The following KHDRBS1 variants were observed in gnomAD, a reference collection of about 807,000 sequenced individuals.
KHDRBS1 encodes KH domain-containing, RNA-binding, signal transduction-associated protein 1.
Under a neutral mutation model 48.4 loss-of-function variants are expected in KHDRBS1, and 7 were observed. The observed-to-expected ratio is 0.14, with a 90% confidence interval of 0.08 to 0.27. The LOEUF (loss-of-function observed/expected upper bound fraction) is 0.27, where lower values mean the gene tolerates loss of function less well. KHDRBS1 is among the 10% of genes least tolerant of loss of function. KHDRBS1 has a pLI of 1.00. For missense variants in KHDRBS1, 458 were observed against 601.2 expected, an observed-to-expected ratio of 0.76 and a Z score of 2.49; for synonymous variants, 241 against 235.8, an observed-to-expected ratio of 1.02 and a Z score of -0.20.
intron 1 of KHDRBS1, 45 bp downstream of exon 1, chr1:32,014,422 G>C: frequency 1.6e-6 from 2 of 1,288,520 alleles, no homozygotes; most frequent in East Asian, 3.1e-5. Context: ...GGCCATCCCG[G>C]GCATGAGTGG....
At chr1:32,025,908 C>G (rs146632614) in intron 1 of KHDRBS1, among the ~76,000 whole-genome samples, 6 of 147,500 alleles carry the variant, frequency 4.1e-5, no homozygotes, top group African/African-American at 1.3e-4. Flanking sequence ...CTACACCCAG[C>G]TAATTTAAAT....
chr1:32,030,172 C>G (rs960666850), intron 1 of KHDRBS1, 126 bp from the exon 2 acceptor site: 1 of 681,590 alleles, frequency 1.5e-6, no homozygotes, highest in African/African-American at 1.9e-5. Flanking sequence ...TAGTTTCTTT[C>G]TGAAATTGGC....
chr1:32,044,992 A>G (rs1639340886), downstream of KHDRBS1, among the ~76,000 whole-genome samples: 1 of 152,258 alleles, frequency 6.6e-6, no homozygotes, highest in African/African-American at 2.4e-5. Context: ...TAAATTAGCC[A>G]TAACTCTTAA....
intron 1 of KHDRBS1, among the ~76,000 whole-genome samples, chr1:32,029,362 A>T (rs745833992): frequency 6.6e-6 from 1 of 152,200 alleles, no homozygotes; most frequent in Admixed American, 6.5e-5. Flanking sequence ...ATGTTTTTTT[A>T]AAAAGTACCT....
chr1:32,040,122 T>TGCCTATTAG (rs1639254777), intron 8 of KHDRBS1, among the ~76,000 whole-genome samples: 4 of 152,056 alleles, frequency 2.6e-5, no homozygotes, highest in Admixed American at 2.6e-4. Context: ...GCAAGAATAG[T>TGCCTATTAG]GCCTATTAGG....
At chr1:32,039,320 CAATAGTTGTCAATTATTTTATAAGTACAT>C (rs1158167042) in intron 7 of KHDRBS1, among the ~76,000 whole-genome samples, 166 bp from the exon 8 acceptor site, 1 of 152,076 alleles carries the variant, frequency 6.6e-6, no homozygotes, top group Non-Finnish European at 1.5e-5. Context: ...TTTTTCTTTG[CAATAGTTGTCAATTATTTTATAAGTACAT>C]AGTCTATACA....
chr1:32,014,060 A>G lies in KHDRBS1; in HGVS notation c.65A>G (p.Asp22Gly), dbSNP rs1473036824. ...SRSSGRSGSM[D>G]PSGAHPSVRQ... The stretch of plus-strand genomic sequence containing the variant: ...TCTTCGGGCCGTAGCGGCTCCATGG[A>G]CCCCTCCGGTGCCCACCCCTCGGTG... The change falls in exon 1 of 9, where the codon GAC becomes GGC. Residue 22 changes from aspartate to glycine, a missense_variant. Physicochemically the swap from Asp to Gly is moderately conservative, Grantham distance 94 (BLOSUM62 -1). This residue lies in a region of KHDRBS1 where 213 missense variants were observed against 215.6 expected (regional missense o/e 0.99). Coordinates refer to ENST00000327300, the MANE Select transcript of KHDRBS1 (RefSeq NM_006559.3). 1.3e-6 allele frequency: 2 copies of G among 1,501,050 alleles called. No individual in the cohort carries two copies. The highest frequency in any genetic ancestry group is 1.2e-5 in the South Asian group (1 of 80,336). 93.0% of individuals were successfully genotyped at this position (1,501,050 alleles called of 1,614,324 possible).
At chr1:32,059,002 C>T (rs944952067) in intron 10 of KHDRBS1, among the ~76,000 whole-genome samples, 4 of 151,292 alleles carry the variant, frequency 2.6e-5, no homozygotes, top group African/African-American at 7.3e-5. Flanking sequence ...ACTAAAAATA[C>T]AAAAATTAGC....
In KHDRBS1 at chr1:32,037,020, A is replaced by T; in HGVS notation, c.882A>T (p.Ala294=). The T allele has an allele frequency of 6.2e-7, 1 of 1,613,920 alleles. No individual in the cohort carries two copies. The highest frequency in any genetic ancestry group is 8.5e-7 in the Non-Finnish European group (1 of 1,179,938). ...RGVPVRGRGA[A]PPPPPVPRGR... ...TGCCAGTGAGAGGCCGGGGAGCTGC[A>T]CCTCCTCCACCACCTGTTCCCAGGT... The change falls in exon 5 of 9, where the codon GCA becomes GCT. Residue 294 remains alanine, a synonymous_variant. Transcript: ENST00000327300.
chr1:32,031,749 G>C, intron 3 of KHDRBS1, 109 bp downstream of exon 3: 1 of 632,114 alleles, frequency 1.6e-6, no homozygotes, highest in Non-Finnish European at 2.7e-6. Flanking sequence ...TGTACAGAAT[G>C]TGGCTCCTTT....
rs757720674 is a variant in KHDRBS1 at position 32,037,899 on chromosome 1, A to G, written c.970A>G (p.Thr324Ala). 10 of 1,614,116 alleles carry G rather than the reference A, an allele frequency of 6.2e-6. No individual in the cohort carries two copies. The highest frequency in any genetic ancestry group is 7.6e-6 in the Non-Finnish European group (9 of 1,180,044). The change falls in exon 6 of 9, where the codon ACC becomes GCC. Residue 324 changes from threonine to alanine, a missense_variant. Thr to Ala is a moderately conservative substitution (Grantham distance 58, BLOSUM62 0). Coordinates refer to ENST00000327300, the MANE Select transcript of KHDRBS1 (RefSeq NM_006559.3). ...TGGTACACCAGTAAGGGGAGCCATC[A>G]CCAGAGGTGCCACTGTGACTCGAGG... ...VRGTPVRGAI[T>A]RGATVTRGVP...
At chr1:32,057,319 A>G (rs1316114429) in intron 10 of KHDRBS1, among the ~76,000 whole-genome samples, 1 of 152,138 alleles carries the variant, frequency 6.6e-6, no homozygotes, top group Non-Finnish European at 1.5e-5. Flanking sequence ...AACTGGGACT[A>G]TAGGCAGGTG....
chr1:32,052,122 C>A (rs1639429042), intron 10 of KHDRBS1, among the ~76,000 whole-genome samples: 1 of 152,098 alleles, frequency 6.6e-6, no homozygotes, highest in Non-Finnish European at 1.5e-5. Flanking sequence ...TACTGTGTGT[C>A]CCTATTTTTA....
intron 1 of KHDRBS1, among the ~76,000 whole-genome samples, chr1:32,015,365 C>T (rs1306721122): frequency 1.3e-5 from 2 of 152,156 alleles, no homozygotes; most frequent in South Asian, 2.1e-4. Flanking sequence ...TTTATGATAC[C>T]TAAATTTTAC....
At chr1:32,044,576 C>G (rs1639336807), downstream of KHDRBS1, among the ~76,000 whole-genome samples, 1 of 152,206 alleles carries the variant, frequency 6.6e-6, no homozygotes, top group Non-Finnish European at 1.5e-5. Context: ...AAGTGCCAAG[C>G]TGCCTGCAGC....
intron 6 of KHDRBS1, 76 bp from the exon 7 acceptor site, chr1:32,038,476 C>T: frequency 7.1e-7 from 1 of 1,409,144 alleles, no homozygotes. Context: ...CTACTTACTC[C>T]CATGGGATGT....
At chr1:32,028,918 C>A (rs1639028541) in intron 1 of KHDRBS1, among the ~76,000 whole-genome samples, 2 of 151,924 alleles carry the variant, frequency 1.3e-5, no homozygotes, top group Non-Finnish European at 2.9e-5. Flanking sequence ...TACTTTACTT[C>A]ATTGCCACCT....
chr1:32,016,187 A>G (rs1320901395), intron 1 of KHDRBS1, among the ~76,000 whole-genome samples: 2 of 127,654 alleles, frequency 1.6e-5, no homozygotes, highest in Non-Finnish European at 1.6e-5. Context: ...TCAAAAAAGG[A>G]AAAAAAAAAA....
chr1:32,018,874 C>T (rs1638798326), intron 1 of KHDRBS1, among the ~76,000 whole-genome samples: 1 of 152,200 alleles, frequency 6.6e-6, no homozygotes, highest in Admixed American at 6.5e-5. Context: ...AGTTCGAGAC[C>T]AGTCTGACCA....
Sources: gnomAD v4.1 joint callset for allele counts (sites outside exome capture counted in the v4.1 genomes callset) on GRCh38, gnomAD v4.1.1 for gene constraint, gnomAD v4.1.1 regional missense constraint, MANE v1.5 for transcripts, NCBI Gene and HGNC (gene_info 2026-07-23, HGNC 2026-07-21) for gene names.